The following ZBBX variants were observed in gnomAD, a reference collection of about 807,000 sequenced individuals.
ZBBX encodes the protein zinc finger B-box domain containing.
In ZBBX, 101 loss-of-function variants were observed where a neutral mutation model predicts 108.5. That is an observed-to-expected ratio of 0.93 (90% CI 0.79 to 1.10). The LOEUF is 1.10. Among genes scored for constraint, ZBBX ranks in the 50% least tolerant of loss-of-function variants. The probability of loss-of-function intolerance (pLI) is 0.00; values close to 1 mark genes in which losing one functional copy is unlikely to be tolerated. For synonymous variants in ZBBX, 356 were observed against 323.4 expected, an observed-to-expected ratio of 1.10 and a Z score of -1.08; for missense variants, 1,009 against 941.4, an observed-to-expected ratio of 1.07 and a Z score of -0.94.
intron 9 of ZBBX, among the ~76,000 whole-genome samples, chr3:167,338,580 A>T (rs1456978262): frequency 2.6e-5 from 4 of 151,822 alleles, no homozygotes; most frequent in Non-Finnish European, 5.9e-5. Flanking sequence ...GACCTGTATT[A>T]CTTTGCAAGT....
intron 16 of ZBBX, among the ~76,000 whole-genome samples, chr3:167,312,431 G>A (rs1409822791): frequency 6.6e-6 from 1 of 152,092 alleles, no homozygotes; most frequent in Admixed American, 6.6e-5. Context: ...ATAAACTATG[G>A]ACACTGAGTT....
chr3:167,252,644 T>C (rs1391156792), intron 20 of ZBBX, among the ~76,000 whole-genome samples: 1 of 151,738 alleles, frequency 6.6e-6, no homozygotes, highest in Non-Finnish European at 1.5e-5. Flanking sequence ...TGCCTTCTGC[T>C]GTTGGACATC....
the ZBBX span, among the ~76,000 whole-genome samples, chr3:167,181,249 T>C: frequency 6.6e-6 from 1 of 152,174 alleles, no homozygotes; most frequent in Non-Finnish European, 1.5e-5. Flanking sequence ...AATCATATGT[T>C]GACTTTGAGG....
At chr3:167,389,210 T>C (rs1314486974) in intron 1 of ZBBX, among the ~76,000 whole-genome samples, 1 of 152,088 alleles carries the variant, frequency 6.6e-6, no homozygotes, top group African/African-American at 2.4e-5. Flanking sequence ...CTCCCACTTA[T>C]GAGTGAGAAC....
intron 20 of ZBBX, among the ~76,000 whole-genome samples, chr3:167,262,669 G>T (rs772447926): frequency 4.6e-5 from 7 of 152,088 alleles, no homozygotes; most frequent in Non-Finnish European, 1.0e-4. Flanking sequence ...TCAGGTTTTG[G>T]ACTTCTTCGT....
At chr3:167,202,307 G>A in the ZBBX span, among the ~76,000 whole-genome samples, 3 of 152,178 alleles carry the variant, frequency 2.0e-5, no homozygotes, top group African/African-American at 7.2e-5. Flanking sequence ...TGTTCTCTTT[G>A]CCTCATATTT....
intron 9 of ZBBX, among the ~76,000 whole-genome samples, chr3:167,341,878 T>G (rs1444020108): frequency 6.6e-6 from 1 of 151,928 alleles, no homozygotes. Context: ...TTTGTCATAT[T>G]TGGTTTTTAA....
chr3:167,218,264 T>C, the ZBBX span, among the ~76,000 whole-genome samples: 1 of 152,014 alleles, frequency 6.6e-6, no homozygotes, highest in African/African-American at 2.4e-5. Context: ...AAAATAATAA[T>C]TTAAAAAATC....
At position 167,247,939 on chromosome 3, in the gene ZBBX, T is replaced by G. The variant is rs189548663; in HGVS notation, c.2255-5296A>C. On this transcript the variant is annotated intron_variant, in intron 20 of 21. Transcript: ENST00000675490. ...TACCAGCCAGTCAAAATTCCCAGAC[T>G]TCGTATCTTTTCTCTCATATGGTTT... 5.4e-3 allele frequency among the ~76,000 whole-genome samples: 821 copies of G among 152,316 alleles called. 3 individuals carry two copies. Among genetic ancestry groups the G allele is most frequent in the South Asian group, 0.017 (84 of 4,824 alleles).
intron 1 of ZBBX, among the ~76,000 whole-genome samples, chr3:167,403,464 G>A (rs1560218076): frequency 6.6e-6 from 1 of 152,044 alleles, no homozygotes; most frequent in Non-Finnish European, 1.5e-5. Flanking sequence ...AATGATACCA[G>A]TAGGAAATTC....
At chr3:167,314,957 C>T (rs116438821) in intron 15 of ZBBX, among the ~76,000 whole-genome samples, 16 of 152,084 alleles carry the variant, frequency 1.1e-4, no homozygotes, top group Non-Finnish European at 1.9e-4. Context: ...AGTTGTCTCC[C>T]GCCAAAACCC....
At chr3:167,339,371 T>C (rs1415981717) in intron 9 of ZBBX, among the ~76,000 whole-genome samples, 2 of 152,140 alleles carry the variant, frequency 1.3e-5, no homozygotes, top group African/African-American at 2.4e-5. Flanking sequence ...TCCTCTGACT[T>C]TAAAGCAACA....
chr3:167,285,027 C>T (rs538747604), intron 19 of ZBBX, among the ~76,000 whole-genome samples: 5 of 152,024 alleles, frequency 3.3e-5, no homozygotes, highest in East Asian at 3.9e-4. Context: ...GAGTAACATG[C>T]GCCATCACTG....
intron 11 of ZBBX, among the ~76,000 whole-genome samples, chr3:167,325,109 C>A (rs542109884): frequency 6.6e-6 from 1 of 152,236 alleles, no homozygotes; most frequent in East Asian, 1.9e-4. Flanking sequence ...ATTTCTTAAT[C>A]TAACACTGTT....
rs567681732 is a variant in ZBBX, at chr3:167,246,584, T to C, written c.2255-3941A>G. ...GTGAAGTCATACAAACACAAGATTG[T>C]TGTGGGAACTTAAAGACCATGAAGA... On this transcript the variant is annotated intron_variant, in intron 20 of 21. Transcript: ENST00000675490. Among the ~76,000 whole-genome samples, 16 of 152,360 alleles carry C rather than the reference T, an allele frequency of 1.1e-4. No homozygotes were observed. In the East Asian group the frequency reaches 3.1e-3, roughly 29 times the overall value.
intron 8 of ZBBX, among the ~76,000 whole-genome samples, chr3:167,355,633 C>A (rs1706151422): frequency 6.6e-6 from 1 of 151,684 alleles, no homozygotes; most frequent in Non-Finnish European, 1.5e-5. Context: ...ACTCATTATC[C>A]AGTCAGCATA....
intron 20 of ZBBX, among the ~76,000 whole-genome samples, chr3:167,266,723 T>A (rs1725569514): frequency 6.6e-6 from 1 of 152,212 alleles, no homozygotes; most frequent in Admixed American, 6.5e-5. Context: ...GTGGCACCCT[T>A]TTGCAAAAGT....
At chr3:167,198,474 G>A in the ZBBX span, among the ~76,000 whole-genome samples, 3 of 151,920 alleles carry the variant, frequency 2.0e-5, no homozygotes, top group African/African-American at 7.2e-5. Context: ...TTAAATTTCT[G>A]GATGGTACAT....
chr3:167,295,222 AT>A (rs982404065), intron 18 of ZBBX, among the ~76,000 whole-genome samples: 3 of 152,114 alleles, frequency 2.0e-5, no homozygotes, highest in Admixed American at 6.6e-5. Context: ...AAATCATTAT[AT>A]TATAAAGACA....
Sources: gnomAD v4.1 joint callset for allele counts (sites outside exome capture counted in the v4.1 genomes callset) on GRCh38, gnomAD v4.1.1 for gene constraint, MANE v1.5 for transcripts, NCBI Gene and HGNC (gene_info 2026-07-23, HGNC 2026-07-21) for gene names.